Variants in BCL2 observed in about 807,000 individuals in gnomAD.
BCL2 encodes apoptosis regulator Bcl-2.
BCL2 carries 1 observed loss-of-function variant against 14.2 expected under a neutral mutation model. That is an observed-to-expected ratio of 0.07 (90% CI 0.02 to 0.33). The LOEUF (loss-of-function observed/expected upper bound fraction) is 0.33. BCL2 is among the 10% of genes least tolerant of loss of function. BCL2 has a pLI of 0.99. For missense variants in BCL2, 247 were observed against 305.9 expected, an observed-to-expected ratio of 0.81 and a Z score of 1.44; for synonymous variants, 151 against 137.2, an observed-to-expected ratio of 1.10 and a Z score of -0.70.
At chr18:63,240,275 C>A (rs1045551277) in intron 2 of BCL2, among the ~76,000 whole-genome samples, 2 of 152,192 alleles carry the variant, frequency 1.3e-5, no homozygotes, top group African/African-American at 4.8e-5. Context: ...CGCTGTGAGC[C>A]ACTGCACCCA....
At chr18:63,206,985 G>A (rs1909855049) in intron 2 of BCL2, among the ~76,000 whole-genome samples, 1 of 152,192 alleles carries the variant, frequency 6.6e-6, no homozygotes, top group Non-Finnish European at 1.5e-5. Context: ...TTTTACAGCT[G>A]CTGACAGAGG....
intron 2 of BCL2, among the ~76,000 whole-genome samples, chr18:63,169,263 T>C (rs1166411182): frequency 5.2e-5 from 3 of 57,710 alleles, no homozygotes; most frequent in African/African-American, 3.3e-4. Context: ...TTTCTTTCTT[T>C]CTTTCTTTCT....
intron 2 of BCL2, among the ~76,000 whole-genome samples, chr18:63,249,143 T>C (rs185448697): frequency 1.3e-5 from 2 of 152,350 alleles, no homozygotes; most frequent in East Asian, 1.9e-4. Context: ...AGAAACCTTT[T>C]TTCAATTAAC....
chr18:63,134,170 A>C (rs1026466763), intron 2 of BCL2, among the ~76,000 whole-genome samples: 1 of 152,264 alleles, frequency 6.6e-6, no homozygotes, highest in African/African-American at 2.4e-5. Context: ...CATGGCATTT[A>C]AGAGGCTATT....
chr18:63,243,776 A>G (rs1322082130), intron 2 of BCL2, among the ~76,000 whole-genome samples: 5 of 152,248 alleles, frequency 3.3e-5, no homozygotes. Context: ...GAATAAGTCA[A>G]GGGACTAATA....
At chr18:63,181,537 G>C (rs1334077803) in intron 2 of BCL2, among the ~76,000 whole-genome samples, 1 of 152,164 alleles carries the variant, frequency 6.6e-6, no homozygotes, top group Admixed American at 6.5e-5. Flanking sequence ...TTTCTTTTTA[G>C]CTCTCCTAAA....
intron 2 of BCL2, among the ~76,000 whole-genome samples, chr18:63,291,716 A>G (rs1912649810): frequency 7.3e-6 from 1 of 137,738 alleles, no homozygotes; most frequent in Non-Finnish European, 1.5e-5. Flanking sequence ...TGGAGTACTC[A>G]TGAGTATTTC....
intron 2 of BCL2, among the ~76,000 whole-genome samples, chr18:63,137,513 T>A (rs1914239350): frequency 6.6e-6 from 1 of 152,000 alleles, no homozygotes; most frequent in East Asian, 1.9e-4. Flanking sequence ...AAAAGGGGAG[T>A]ATTCAGAGAC....
At chr18:63,288,348 C>A (rs766044441) in intron 2 of BCL2, among the ~76,000 whole-genome samples, 9 of 152,192 alleles carry the variant, frequency 5.9e-5, no homozygotes, top group Non-Finnish European at 8.8e-5. Flanking sequence ...ACGAACACTA[C>A]CATATTTTCA....
intron 2 of BCL2, among the ~76,000 whole-genome samples, chr18:63,261,386 C>T (rs1250354797): frequency 7.1e-6 from 1 of 141,006 alleles, no homozygotes; most frequent in Non-Finnish European, 1.5e-5. Flanking sequence ...AAGACCAGCA[C>T]GATGCTTGAT....
chr18:63,266,600 ATAAATC>A (rs1158875218), intron 2 of BCL2, among the ~76,000 whole-genome samples: 1 of 136,082 alleles, frequency 7.3e-6, no homozygotes, highest in Non-Finnish European at 1.6e-5. Context: ...AATTTGGAAC[ATAAATC>A]TCTCTCTCTC....
chr18:63,229,380 C>CAGTTA (rs1910631283), intron 2 of BCL2, among the ~76,000 whole-genome samples: 1 of 152,036 alleles, frequency 6.6e-6, no homozygotes, highest in South Asian at 2.1e-4. Context: ...AGAATGAAGT[C>CAGTTA]CTCTGTTATT....
chr18:63,226,977 C>T (rs938250086), intron 2 of BCL2, among the ~76,000 whole-genome samples: 3 of 151,812 alleles, frequency 2.0e-5, no homozygotes, highest in East Asian at 1.9e-4. Flanking sequence ...TTTTCAGAAT[C>T]GGTGAATGTC....
At chr18:63,218,924 T>C (rs1347684667) in intron 2 of BCL2, among the ~76,000 whole-genome samples, 1 of 152,094 alleles carries the variant, frequency 6.6e-6, no homozygotes, top group East Asian at 1.9e-4. Context: ...CTTTTTCTTC[T>C]CCTGCCTTTA....
chr18:63,141,633 C>T (rs1029875371), intron 2 of BCL2, among the ~76,000 whole-genome samples: 1 of 152,248 alleles, frequency 6.6e-6, no homozygotes, highest in African/African-American at 2.4e-5. Flanking sequence ...GAACAGGACT[C>T]TCCACTGCCT....
At chr18:63,256,440 C>A (rs1348265434) in intron 2 of BCL2, among the ~76,000 whole-genome samples, 4 of 152,210 alleles carry the variant, frequency 2.6e-5, no homozygotes, top group African/African-American at 7.2e-5. Context: ...TGGTCTTGAA[C>A]TTCCGACCTC....
intron 2 of BCL2, among the ~76,000 whole-genome samples, chr18:63,140,932 T>A (rs2144597067): frequency 6.6e-6 from 1 of 152,274 alleles, no homozygotes; most frequent in East Asian, 1.9e-4. Flanking sequence ...ACAAGTGTAA[T>A]GAGGAATGAG....
chr18:63,260,666 G>C (rs1321312900), intron 2 of BCL2, among the ~76,000 whole-genome samples: 1 of 151,630 alleles, frequency 6.6e-6, no homozygotes, highest in South Asian at 2.1e-4. Context: ...ACAAACTCAC[G>C]AGAGAAAGGT....
chr18:63,239,145 T>A (rs1910923402), intron 2 of BCL2, among the ~76,000 whole-genome samples: 2 of 152,236 alleles, frequency 1.3e-5, no homozygotes, highest in Admixed American at 1.3e-4. Flanking sequence ...TATTATGCTT[T>A]CGGCTGGTAA....
Sources: gnomAD v4.1 joint callset for allele counts (sites outside exome capture counted in the v4.1 genomes callset) on GRCh38, gnomAD v4.1.1 for gene constraint, MANE v1.5 for transcripts, NCBI Gene and HGNC (gene_info 2026-07-23, HGNC 2026-07-21) for gene names.